Variants in SLA2 observed in about 807,000 individuals in gnomAD.
SLA2 encodes Src like adaptor 2.
A neutral mutation model predicts 27.3 loss-of-function variants in SLA2; 22 were observed. That is an observed-to-expected ratio of 0.81 (90% CI 0.58 to 1.15). The LOEUF (loss-of-function observed/expected upper bound fraction) is 1.15, where lower values mean the gene tolerates loss of function less well. Ranked by LOEUF, SLA2 falls within the 50% of genes most tolerant of loss-of-function variation. SLA2 has a pLI of 0.00. For missense variants in SLA2, 304 were observed against 322.2 expected, an observed-to-expected ratio of 0.94 and a Z score of 0.43; for synonymous variants, 131 against 137.8, an observed-to-expected ratio of 0.95 and a Z score of 0.34.
intron 1 of SLA2, among the ~76,000 whole-genome samples, chr20:36,644,711 AG>A (rs1568612378): frequency 4.6e-5 from 7 of 152,200 alleles, no homozygotes; most frequent in Non-Finnish European, 8.8e-5. Context: ...GCAGAGTATT[AG>A]CCGCACATTT....
intron 5 of SLA2, among the ~76,000 whole-genome samples, chr20:36,617,757 T>G (rs1460551792): frequency 6.6e-6 from 1 of 151,180 alleles, no homozygotes; most frequent in Non-Finnish European, 1.5e-5. Context: ...CTCAGGAGGC[T>G]GAGGCAGGAG....
At chr20:36,643,809 G>A (rs1265896700) in intron 1 of SLA2, among the ~76,000 whole-genome samples, 4 of 152,108 alleles carry the variant, frequency 2.6e-5, no homozygotes, top group East Asian at 1.9e-4. Flanking sequence ...AAAATGAGCC[G>A]GGTGTGGTGG....
intron 5 of SLA2, among the ~76,000 whole-genome samples, chr20:36,622,355 C>CAAA (rs796971769): frequency 6.2e-4 from 59 of 95,394 alleles, no homozygotes; most frequent in African/African-American, 1.8e-3. Context: ...GACTCCATCT[C>CAAA]AAAAAAAAAA....
chr20:36,638,016 CGAGTA>C (rs1429847547), intron 2 of SLA2, among the ~76,000 whole-genome samples: 1 of 150,366 alleles, frequency 6.7e-6, no homozygotes, highest in Admixed American at 6.6e-5. Flanking sequence ...CTCAGCCTCC[CGAGTA>C]GGTGGGATTA....
chr20:36,639,466 C>T (rs1290451680), intron 2 of SLA2, among the ~76,000 whole-genome samples: 2 of 151,956 alleles, frequency 1.3e-5, no homozygotes, highest in South Asian at 2.1e-4. Context: ...AATATATTAT[C>T]GAAATCCCTA....
chr20:36,615,402 A>G (rs1434260334), intron 5 of SLA2, 28 bp from the exon 6 acceptor site: 1 of 1,612,112 alleles, frequency 6.2e-7, no homozygotes, highest in South Asian at 1.1e-5. Context: ...CAGGGGTGGC[A>G]CTGAGGCCCT....
rs2039168529 is a variant in SLA2, at chr20:36,613,658, C to T, written c.*208G>A. The T allele has an allele frequency of 1.7e-5, 9 of 542,632 alleles. No homozygotes were observed. Among genetic ancestry groups the T allele is most frequent in the East Asian group, 9.8e-5 (3 of 30,478 alleles). 33.6% of individuals were successfully genotyped at this position (542,632 alleles called of 1,614,324 possible). ...CCTTCTCTGCACTCGCACTAGAGGT[C>T]GCAGGTGGGATCATGGCACTGGAAG... is the stretch of plus-strand genomic sequence containing the variant. On this transcript the variant is annotated 3_prime_UTR_variant, in exon 8 of 8. Transcript: ENST00000262866.
intron 5 of SLA2, among the ~76,000 whole-genome samples, chr20:36,629,052 G>A (rs1473110076): frequency 2.0e-5 from 3 of 150,818 alleles, no homozygotes; most frequent in South Asian, 2.1e-4. Flanking sequence ...CCTTAGTCCC[G>A]GTAATTATGA....
chr20:36,642,671 C>T (rs775552253), intron 1 of SLA2, among the ~76,000 whole-genome samples: 1 of 152,026 alleles, frequency 6.6e-6, no homozygotes, highest in Non-Finnish European at 1.5e-5. Flanking sequence ...CTGCAACTTC[C>T]GCCTCCTGGG....
chr20:36,645,683 C>T (rs1355879324), intron 1 of SLA2, among the ~76,000 whole-genome samples, 154 bp downstream of exon 1: 2 of 152,182 alleles, frequency 1.3e-5, no homozygotes, highest in African/African-American at 4.8e-5. Flanking sequence ...CCAGAAACCA[C>T]CCCTCTTTAC....
chr20:36,614,603 A>C lies in SLA2; in HGVS notation c.533-166T>G, dbSNP rs571747979. On this transcript the variant is annotated intron_variant, in intron 6 of 7. Transcript: ENST00000262866. ...GTTTCATGGAGACAGATGTAGTCAA[A>C]GGTCTTTCTGGGCTAACTTTTGGGA... 16 of 985,302 alleles carry C rather than the reference A, an allele frequency of 1.6e-5. No individual in the cohort carries two copies. The African/African-American group carries it at 2.8e-4, about 17-fold the overall frequency. 61.0% of individuals were successfully genotyped at this position (985,302 alleles called of 1,614,324 possible).
In SLA2 at chr20:36,621,945, C is replaced by T. The variant is rs538205944; in HGVS notation, c.383-6571G>A. 1.5e-3 allele frequency among the ~76,000 whole-genome samples: 219 copies of T among 149,762 alleles called. 1 individual carries two copies. In the Middle Eastern group the frequency reaches 0.019, roughly 13 times the overall value. ...GCAGGAGAATCGTTTGAGCCTGTGA[C>T]GTTGAGGCTGCAGTGAGCCATGACT... On this transcript the variant is annotated intron_variant, in intron 5 of 7. Transcript: ENST00000262866.
chr20:36,628,715 TAA>T (rs111840158), intron 5 of SLA2, among the ~76,000 whole-genome samples: 2 of 149,706 alleles, frequency 1.3e-5, no homozygotes, highest in African/African-American at 5.0e-5. Context: ...CTAGCTAACT[TAA>T]AAAAAAATTT....
rs549170326 is a variant in SLA2 at position 36,632,821 on chromosome 20, A to G, written c.279-123T>C. The G allele has an allele frequency of 8.1e-5, 59 of 725,354 alleles. No individual in the cohort carries two copies. The South Asian group carries it at 9.4e-4, about 12-fold the overall frequency. 44.9% of individuals were successfully genotyped at this position (725,354 alleles called of 1,614,324 possible). ...CTCCCTCTCTGGGCCTCAGAGTTCT[A>G]TCTGCTCCACGAAGAGCTGGGCTCA... On this transcript the variant is annotated intron_variant, in intron 4 of 7. Transcript: ENST00000262866.
chr20:36,625,713 G>C (rs1004248827), intron 5 of SLA2, among the ~76,000 whole-genome samples: 1 of 151,618 alleles, frequency 6.6e-6, no homozygotes, highest in Non-Finnish European at 1.5e-5. Flanking sequence ...TGTAGTTCCA[G>C]CTACTCAAGA....
chr20:36,632,461 G>A, intron 5 of SLA2, 134 bp downstream of exon 5: 2 of 675,556 alleles, frequency 3.0e-6, no homozygotes, highest in Admixed American at 2.4e-5. Context: ...CGGAGCTGGG[G>A]CTCAGGAAAT....
At chr20:36,629,065 AT>A (rs768278326) in intron 5 of SLA2, among the ~76,000 whole-genome samples, 1,992 of 137,626 alleles carry the variant, frequency 0.014, 27 homozygotes, top group African/African-American at 0.039. Flanking sequence ...AATTATGAGG[AT>A]TTTTTTTTTT....
At position 36,613,882 on chromosome 20, in the gene SLA2, GAGAC is replaced by G. The variant is rs1172022522; in HGVS notation, c.766_769del (p.Val256LeufsTer106). The G allele has an allele frequency of 4.3e-6, 7 of 1,612,072 alleles. No homozygotes were observed. The highest frequency in any genetic ancestry group is 1.3e-5 in the African/African-American group (1 of 74,776). On this transcript the variant is annotated frameshift_variant, in exon 8 of 8. Coordinates refer to ENST00000262866, the MANE Select transcript of SLA2 (RefSeq NM_032214.4). LOFTEE classifies it high-confidence loss of function. Reference sequence around the variant, plus strand: ...CCTTTGGGCCTAGGCATCATCCAAAGAGACAGCCTCGTCATTCAGGCTGATGTAG... The same window carrying G: ...CCTTTGGGCCTAGGCATCATCCAAAGAGCCTCGTCATTCAGGCTGATGTAG...
At chr20:36,623,306 A>G (rs1172617322) in intron 5 of SLA2, among the ~76,000 whole-genome samples, 1 of 151,846 alleles carries the variant, frequency 6.6e-6, no homozygotes, top group East Asian at 1.9e-4. Context: ...AGCATGCTTA[A>G]TAGGAAAGAT....
Sources: allele counts gnomAD v4.1 joint callset (sites outside exome capture counted in the v4.1 genomes callset), GRCh38; gene constraint gnomAD v4.1.1; transcripts MANE v1.5; gene names NCBI Gene and HGNC (gene_info 2026-07-23, HGNC 2026-07-21).